TUBA1C: variants seen among roughly 807,000 people sequenced by gnomAD.
The protein encoded by TUBA1C is tubulin alpha-1C chain.
TUBA1C carries 16 observed loss-of-function variants against 34.9 expected under a neutral mutation model. The ratio of observed to expected loss-of-function variants is 0.46; its 90% CI spans 0.31 to 0.70. The LOEUF is 0.70. Among genes scored for constraint, TUBA1C ranks in the 30% least tolerant of loss-of-function variants. The probability of loss-of-function intolerance (pLI) is 0.05; values close to 1 mark genes in which losing one functional copy is unlikely to be tolerated. For synonymous variants in TUBA1C, 177 were observed against 215.9 expected, an observed-to-expected ratio of 0.82 and a Z score of 1.58; for missense variants, 329 against 587.3, an observed-to-expected ratio of 0.56 and a Z score of 4.55.
intron 1 of TUBA1C, among the ~76,000 whole-genome samples, chr12:49,244,991 T>C (rs141745260): frequency 1.5e-4 from 23 of 152,218 alleles, no homozygotes; most frequent in African/African-American, 4.6e-4. Flanking sequence ...ATAAATATAC[T>C]CATCAAGTAC....
chr12:49,259,789 A>G (rs1184512970), intron 1 of TUBA1C, among the ~76,000 whole-genome samples: 1 of 152,208 alleles, frequency 6.6e-6, no homozygotes, highest in Non-Finnish European at 1.5e-5. Context: ...TAGTATTCAG[A>G]TTCCATGCTT....
upstream of TUBA1C, chr12:49,265,019 C>G: frequency 2.8e-6 from 3 of 1,084,654 alleles, no homozygotes; most frequent in Non-Finnish European, 3.6e-6. Flanking sequence ...GTCTGGGGCC[C>G]GCCCTCCCGA....
intron 1 of TUBA1C, among the ~76,000 whole-genome samples, chr12:49,267,287 G>C (rs1942927311): frequency 6.6e-6 from 1 of 152,204 alleles, no homozygotes; most frequent in Admixed American, 6.5e-5. Context: ...TTATCTCCTT[G>C]GGCCTGGGGG....
intron 1 of TUBA1C, chr12:49,257,951 C>A (rs756787492): frequency 1.6e-4 from 27 of 167,256 alleles, no homozygotes; most frequent in Non-Finnish European, 3.2e-4. Context: ...CTCCGCCTTC[C>A]GGGTTCCAGT....
intron 1 of TUBA1C, among the ~76,000 whole-genome samples, chr12:49,268,097 G>GACACACACAC (rs367819252): frequency 6.6e-6 from 1 of 151,878 alleles, no homozygotes; most frequent in African/African-American, 2.4e-5. Flanking sequence ...ATGAGAGAGA[G>GACACACACAC]ACACACACAC....
Position 49,272,675 on chromosome 12 carries a change from C to T in TUBA1C, c.798C>T (p.His266=), listed in dbSNP as rs201965403. ...QTNLVPYPRI[H]FPLATYAPVI... ...ACCTGGTGCCCTACCCCCGCATCCA[C>T]TTCCCTCTGGCCACATATGCCCCTG... Residue 266 remains histidine, a synonymous_variant, in exon 4 of 4, where the codon CAC becomes CAT. Transcript: ENST00000301072. 8.1e-5 allele frequency: 130 copies of T among 1,611,478 alleles called. 1 individual carries two copies. Among genetic ancestry groups the T allele is most frequent in the Non-Finnish European group, 5.6e-5 (66 of 1,179,412 alleles).
chr12:49,267,125 A>G (rs1942924949), intron 1 of TUBA1C, among the ~76,000 whole-genome samples: 2 of 152,048 alleles, frequency 1.3e-5, no homozygotes, highest in South Asian at 4.2e-4. Flanking sequence ...GCCAGGGGAG[A>G]GTGGAGGGTA....
intron 1 of TUBA1C, among the ~76,000 whole-genome samples, chr12:49,238,586 G>A (rs1942581722): frequency 6.6e-6 from 1 of 152,118 alleles, no homozygotes; most frequent in Admixed American, 6.6e-5. Context: ...TAATTTGCTA[G>A]AATGGCTCAC....
chr12:49,256,825 T>G (rs1942788810), intron 1 of TUBA1C, among the ~76,000 whole-genome samples: 1 of 152,094 alleles, frequency 6.6e-6, no homozygotes, highest in Admixed American at 6.6e-5. Flanking sequence ...TTTGGGGAAA[T>G]AAACATGTAA....
chr12:49,256,508 C>G, intron 1 of TUBA1C: 1 of 447,826 alleles, frequency 2.2e-6, no homozygotes, highest in Non-Finnish European at 4.5e-6. Flanking sequence ...CACCCATTTA[C>G]AAGGTCAGTG....
At position 49,231,969 on chromosome 12, in the gene TUBA1C, C is replaced by A. The variant is rs559296304; in HGVS notation, c.213+3803C>A. ...ACCTATAGAACCTGAGCCATTAGAT[C>A]ATCTATCCCTAAACGCTAATGCTGG... On this transcript the variant is annotated intron_variant, in intron 1 of 3. Coordinates refer to the TUBA1C transcript ENST00000541364. Among the ~76,000 whole-genome samples the A allele has an allele frequency of 2.6e-5, 4 of 152,332 alleles. No homozygotes were observed. In the South Asian group the frequency reaches 8.3e-4, roughly 32 times the overall value.
intron 1 of TUBA1C, among the ~76,000 whole-genome samples, chr12:49,255,405 A>AAAATATATATATATAT (rs533723121): frequency 2.1e-5 from 3 of 141,314 alleles, no homozygotes; most frequent in African/African-American, 7.7e-5. Flanking sequence ...ATCTTTAAAA[A>AAAATATATATATATAT]ATATATATAT....
intron 1 of TUBA1C, among the ~76,000 whole-genome samples, chr12:49,259,811 G>A (rs1942824662): frequency 1.3e-5 from 2 of 152,134 alleles, no homozygotes; most frequent in Non-Finnish European, 2.9e-5. Flanking sequence ...AATTATGTAC[G>A]AAAAAACATT....
chr12:49,260,583 G>T (rs905486353), upstream of TUBA1C, among the ~76,000 whole-genome samples: 43 of 152,114 alleles, frequency 2.8e-4, no homozygotes, highest in African/African-American at 1.0e-3. Context: ...AACATTTGTG[G>T]GATAAAAGAG....
chr12:49,259,998 C>T (rs1314474205), intron 1 of TUBA1C, among the ~76,000 whole-genome samples: 1 of 152,102 alleles, frequency 6.6e-6, no homozygotes, highest in Admixed American at 6.6e-5. Flanking sequence ...CTTCAGGGGC[C>T]TTCTACTTTG....
chr12:49,230,067 T>A (rs1942480623), intron 1 of TUBA1C, among the ~76,000 whole-genome samples: 1 of 151,788 alleles, frequency 6.6e-6, no homozygotes, highest in Non-Finnish European at 1.5e-5. Context: ...ATTACAGGCA[T>A]AAGTCAACAT....
chr12:49,270,281 T>A, intron 3 of TUBA1C: 1 of 482,330 alleles, frequency 2.1e-6, no homozygotes, highest in Non-Finnish European at 3.8e-6. Context: ...TCAGAGTCAT[T>A]TTTTAAAAAT....
upstream of TUBA1C, among the ~76,000 whole-genome samples, chr12:49,263,298 G>C (rs978045805): frequency 4.6e-5 from 7 of 152,174 alleles, no homozygotes; most frequent in Admixed American, 3.3e-4. Flanking sequence ...TTACAGACTT[G>C]AGCCACTGCG....
intron 1 of TUBA1C, among the ~76,000 whole-genome samples, chr12:49,268,563 T>C (rs2137020391): frequency 6.6e-6 from 1 of 152,252 alleles, no homozygotes; most frequent in Non-Finnish European, 1.5e-5. Flanking sequence ...ATCAGTAAAG[T>C]CTTGGTAACA....
Sources: gnomAD v4.1 joint callset for allele counts (sites outside exome capture counted in the v4.1 genomes callset) on GRCh38, gnomAD v4.1.1 for gene constraint, MANE v1.5 for transcripts, NCBI Gene and HGNC (gene_info 2026-07-23, HGNC 2026-07-21) for gene names.